RPS7: variants seen among roughly 807,000 people sequenced by gnomAD.
The protein encoded by RPS7 is ribosomal protein S7, also known as small ribosomal subunit protein eS7.
A neutral mutation model predicts 22.1 loss-of-function variants in RPS7; 1 was observed. The ratio of observed to expected loss-of-function variants is 0.05; its 90% CI spans 0.02 to 0.21. RPS7 has a LOEUF of 0.21. Among genes scored for constraint, RPS7 ranks in the 10% least tolerant of loss-of-function variants. The pLI is 1.00. For missense variants in RPS7, 137 were observed against 246.4 expected, an observed-to-expected ratio of 0.56 and a Z score of 2.97; for synonymous variants, 80 against 92.0, an observed-to-expected ratio of 0.87 and a Z score of 0.74.
intron 4 of RPS7, chr2:3,577,467 T>G: frequency 1.8e-6 from 1 of 552,240 alleles, no homozygotes. Flanking sequence ...AAGGCGTATC[T>G]GGGAGATTTT....
At chr2:3,576,039 T>TC (rs1448944023) in intron 3 of RPS7, 151 bp downstream of exon 3, 2 of 695,776 alleles carry the variant, frequency 2.9e-6, no homozygotes, top group African/African-American at 3.5e-5. Flanking sequence ...TTGGGAGTGA[T>TC]ACCGCCCAGG....
rs1241543942 is a variant in RPS7 at position 3,580,208 on chromosome 2, G to A, written c.455G>A (p.Arg152Gln). 5 of 1,613,452 alleles carry A rather than the reference G, an allele frequency of 3.1e-6. No individual in the cohort carries two copies. Among genetic ancestry groups the A allele is most frequent in the Admixed American group, 1.7e-5 (1 of 59,922 alleles). The change falls in exon 6 of 7, where the codon CGG becomes CAG. Residue 152 changes from arginine (R) to glutamine (Q), a missense_variant. Transcript: ENST00000645674. ...KRIRVKLDGS[R>Q]LIKVHLDKAQ... is the part of the protein sequence containing the mutation. ...ATCCGCGTCAAACTAGATGGCAGCC[G>A]GCTCATAAAGGTTCATTTGGACAAA...
intron 5 of RPS7, 91 bp from the exon 6 acceptor site, chr2:3,580,019 G>A: frequency 8.4e-7 from 1 of 1,184,934 alleles, no homozygotes; most frequent in Non-Finnish European, 1.3e-6. Flanking sequence ...CCTGGGATTT[G>A]CATTTTCATT....
chr2:3,580,088 A>G (rs1445291779), intron 5 of RPS7, 22 bp from the exon 6 acceptor site: 1 of 1,613,556 alleles, frequency 6.2e-7, no homozygotes, highest in Non-Finnish European at 8.5e-7. Flanking sequence ...TAGGTTGCTT[A>G]CCTTTTAAAC....
chr2:3,576,662 T>C (rs1661286804), intron 4 of RPS7, 32 bp downstream of exon 4: 1 of 1,613,592 alleles, frequency 6.2e-7, no homozygotes, highest in African/African-American at 1.3e-5. Flanking sequence ...CACGTTTCTG[T>C]TTGTGAATTT....
intron 5 of RPS7, 114 bp downstream of exon 5, chr2:3,577,888 G>A: frequency 1.3e-6 from 1 of 749,416 alleles, no homozygotes; most frequent in South Asian, 1.5e-5. Context: ...TTGAGTAGCA[G>A]CATTTGGTTT....
chr2:3,576,102 C>G, intron 3 of RPS7: 1 of 617,954 alleles, frequency 1.6e-6, no homozygotes, highest in Non-Finnish European at 2.9e-6. Flanking sequence ...CACATGCGGG[C>G]GGTGGAGAAA....
rs539208774 is a variant in RPS7 at position 3,580,789 on chromosome 2, C to T, written c.508-16C>T. 3 of 1,516,918 alleles carry T rather than the reference C, an allele frequency of 2.0e-6. No homozygotes were observed. Among genetic ancestry groups the T allele is most frequent in the Non-Finnish European group, 2.7e-6 (3 of 1,093,534 alleles). The allele number at this position is 1,516,918 out of a possible 1,614,324, so 94.0% of individuals were successfully genotyped here. Reference sequence around the variant, plus strand: ...GTATTTCAAAGTTCTGTGATGAATTCTTTCTTTTCTTGTAGGTTGAAACTT... The same window carrying T: ...GTATTTCAAAGTTCTGTGATGAATTTTTTCTTTTCTTGTAGGTTGAAACTT... On this transcript the variant is annotated splice_polypyrimidine_tract_variant and intron_variant, in intron 6 of 6. Coordinates refer to ENST00000645674, the MANE Select transcript of RPS7 (RefSeq NM_001011.4).
In RPS7 at chr2:3,575,657, G is replaced by A. The variant is rs535392916; in HGVS notation, c.48G>A (p.Pro16=). The change falls in exon 2 of 7, where the codon CCG becomes CCA. Residue 16 remains proline, a synonymous_variant. Transcript: ENST00000645674. ...AKIVKPNGEK[P]DEFESGISQA... is the part of the protein sequence containing the mutation. ...TCGTGAAGCCCAATGGCGAGAAGCCGGACGAGTTCGAGTCCGGCATCTCCC... is the reference window on the plus strand; with the variant it reads ...TCGTGAAGCCCAATGGCGAGAAGCCAGACGAGTTCGAGTCCGGCATCTCCC... 6.2e-7 allele frequency: 1 copy of A among 1,611,706 alleles called. No individual in the cohort carries two copies. The highest frequency in any genetic ancestry group is 1.7e-5 in the Admixed American group (1 of 60,016).
intron 3 of RPS7, 89 bp downstream of exon 3, chr2:3,575,977 T>G (rs1661268272): frequency 1.0e-6 from 1 of 964,452 alleles, no homozygotes; most frequent in Non-Finnish European, 1.6e-6. Flanking sequence ...TTACGGTTGA[T>G]GATGACTTGC....
At chr2:3,576,008 A>G (rs1295583342) in intron 3 of RPS7, 120 bp downstream of exon 3, 5 of 776,576 alleles carry the variant, frequency 6.4e-6, no homozygotes, top group Non-Finnish European at 1.1e-5. Flanking sequence ...CCTAACCTGA[A>G]CTCAGGTTCG....
In RPS7 at chr2:3,575,773, C is replaced by G. The variant is rs374179186; in HGVS notation, c.76-44C>G. On this transcript the variant is annotated intron_variant, in intron 2 of 6. Coordinates refer to ENST00000645674, the MANE Select transcript of RPS7 (RefSeq NM_001011.4). ...GCGCGTGTGTTGGGCCCGGGGTGCT[C>G]GGACGCGCGCTCAGGGTCGGTCCTG... The G allele has an allele frequency of 1.4e-5, 22 of 1,601,108 alleles. No homozygotes were observed. The African/African-American group carries it at 2.0e-4, about 15-fold the overall frequency.
rs750007451 is a variant in RPS7, at chr2:3,576,625, G to A, written c.286G>A (p.Ala96Thr). ...CAGTGGGAAGCATGTCGTCTTTATC[G>A]CTCAGGTATCTGTTCTACTGTTGCA... ...KFSGKHVVFIAQRRILPKPTR... is the reference protein window; with the variant it reads ...KFSGKHVVFITQRRILPKPTR... The change falls in exon 4 of 7, where the codon GCT becomes ACT. Residue 96 changes from alanine to threonine, a missense_variant. Around this residue, in one of 2 missense-constraint regions of RPS7, gnomAD observed 74 missense variants for 171.4 expected, o/e 0.43. Transcript: ENST00000645674. 5 of 1,614,146 alleles carry A rather than the reference G, an allele frequency of 3.1e-6. No homozygotes were observed. The highest frequency in any genetic ancestry group is 3.4e-6 in the Non-Finnish European group (4 of 1,180,012).
At chr2:3,579,135 T>G (rs532611034) in intron 5 of RPS7, 1 of 152,360 alleles carries the variant, frequency 6.6e-6, no homozygotes, top group South Asian at 2.1e-4. Flanking sequence ...GCTCCCCATT[T>G]TAAAAGATTG....
intron 5 of RPS7, chr2:3,578,828 T>C (rs11123626): frequency 0.81 from 122,926 of 152,108 alleles, 50,005 homozygotes; most frequent in East Asian, 0.99. Context: ...AGCTTTAGTT[T>C]CCCTCAGTAC....
intron 3 of RPS7, 98 bp from the exon 4 acceptor site, chr2:3,576,389 C>T: frequency 9.8e-7 from 1 of 1,020,040 alleles, no homozygotes; most frequent in Admixed American, 1.7e-5. Flanking sequence ...TGTAGTGCAG[C>T]TACGGTGTTA....
chr2:3,576,827 T>G (rs1661290719), intron 4 of RPS7, 197 bp downstream of exon 4: 1 of 715,754 alleles, frequency 1.4e-6, no homozygotes, highest in South Asian at 1.5e-5. Flanking sequence ...GGTGGATCAC[T>G]GTAGAGACCA....
rs967558502 is a variant in RPS7 at position 3,580,683 on chromosome 2, ATGT to A, written c.508-118_508-116del. ...CCCGGTCGTGAAGACTGCTGCAGACATGTTGTGTGTACTTAGTTGCTGAGGAGA... is the reference window on the plus strand; with the variant it reads ...CCCGGTCGTGAAGACTGCTGCAGACATGTGTGTACTTAGTTGCTGAGGAGA... On this transcript the variant is annotated intron_variant, in intron 6 of 6. Transcript: ENST00000645674. The A allele has an allele frequency of 6.0e-5, 43 of 717,010 alleles. No homozygotes were observed. In the African/African-American group the frequency reaches 6.8e-4, roughly 11 times the overall value. 44.4% of individuals were successfully genotyped at this position (717,010 alleles called of 1,614,324 possible). A position where few individuals can be genotyped will look rare whatever the true frequency, so the allele number is the denominator to read the frequency against.
At chr2:3,575,422 C>T in intron 1 of RPS7, 72 bp downstream of exon 1, 2 of 610,602 alleles carry the variant, frequency 3.3e-6, no homozygotes, top group South Asian at 2.0e-5. Flanking sequence ...GGAGTCAGGC[C>T]CTGGAGGGGC....
Sources: allele counts gnomAD v4.1 joint callset, GRCh38; gene constraint gnomAD v4.1.1; regional missense constraint gnomAD v4.1.1; transcripts MANE v1.5; gene names NCBI Gene and HGNC (gene_info 2026-07-23, HGNC 2026-07-21).